RFTN1: variants seen among roughly 807,000 people sequenced by gnomAD.
The protein encoded by RFTN1 is raftlin.
Under a neutral mutation model 46.5 loss-of-function variants are expected in RFTN1, and 26 were observed. That is an observed-to-expected ratio of 0.56 (90% CI 0.41 to 0.78). RFTN1 has a LOEUF of 0.78. Among genes scored for constraint, RFTN1 ranks in the 30% least tolerant of loss-of-function variants. RFTN1 has a pLI of 0.00. For missense variants in RFTN1, 693 were observed against 718.7 expected (o/e 0.96, Z 0.41); for synonymous variants, 261 against 284.2 (o/e 0.92, Z 0.82).
rs1033060964 is a variant in RFTN1 at position 16,440,696 on chromosome 3, G to T, written c.146-6659C>A. On this transcript the variant is annotated intron_variant, in intron 2 of 9. Transcript: ENST00000334133. This position sits in a 1 kb window ranked among gnomAD's most constrained non-coding sequence, Gnocchi z 4.6. ...AGATGGTTACTGCTAATGGGGGGGG[G>T]GCCCAATGGTGCCAGAACTTCTAAC... 2.2e-4 allele frequency among the ~76,000 whole-genome samples: 34 copies of T among 151,984 alleles called. 1 individual carries two copies. Among genetic ancestry groups the T allele is most frequent in the Non-Finnish European group, 1.0e-4 (7 of 67,964 alleles).
chr3:16,333,931 CG>C (rs1207022872), intron 7 of RFTN1, among the ~76,000 whole-genome samples: 1 of 151,858 alleles, frequency 6.6e-6, no homozygotes, highest in Non-Finnish European at 1.5e-5. Context: ...TTTGGGAGGC[CG>C]ACGCGGGTAG....
chr3:16,510,832 G>A lies in RFTN1; in HGVS notation c.-9+2610C>T, dbSNP rs1018038223. Among the ~76,000 whole-genome samples, 8 of 152,222 alleles carry A rather than the reference G, an allele frequency of 5.3e-5. No individual in the cohort carries two copies. In the East Asian group the frequency reaches 5.8e-4, roughly 11 times the overall value. On this transcript the variant is annotated intron_variant, in intron 1 of 9. Transcript: ENST00000334133. ...CAGAGACTTGTACACAAATGTTCAC[G>A]GCAGCTTTGTTCACAATAACCAAAG...
intron 4 of RFTN1, among the ~76,000 whole-genome samples, chr3:16,386,773 G>T (rs937532826): frequency 6.6e-6 from 1 of 150,764 alleles, no homozygotes; most frequent in African/African-American, 2.4e-5. Flanking sequence ...TGGTAACAGA[G>T]CGAGGAGACA....
intron 2 of RFTN1, among the ~76,000 whole-genome samples, chr3:16,476,911 G>A (rs775605942): frequency 2.0e-5 from 3 of 152,010 alleles, no homozygotes; most frequent in Non-Finnish European, 2.9e-5. Context: ...TCTCTGTTCC[G>A]TACAATTAAG....
Position 16,370,301 on chromosome 3 carries a change from G to C in RFTN1, c.827-22C>G, listed in dbSNP as rs756661073. Reference sequence around the variant, plus strand: ...ATTTCTGTTGGGATTTGTAAAGGGAGTGGAGAGAGAAGAGGTCAACTGATG... The same window carrying C: ...ATTTCTGTTGGGATTTGTAAAGGGACTGGAGAGAGAAGAGGTCAACTGATG... On this transcript the variant is annotated intron_variant, in intron 5 of 9. Transcript: ENST00000334133. The surrounding 1 kb of genome is among the most constrained non-coding windows in gnomAD (Gnocchi z 5.5). 6.2e-7 allele frequency: 1 copy of C among 1,611,312 alleles called. No individual in the cohort carries two copies. Among genetic ancestry groups the C allele is most frequent in the South Asian group, 1.1e-5 (1 of 91,026 alleles).
Position 16,448,804 on chromosome 3 carries a change from T to C in RFTN1, c.146-14767A>G, listed in dbSNP as rs1217435338. On this transcript the variant is annotated intron_variant, in intron 2 of 9. Transcript: ENST00000334133. This position sits in a 1 kb window ranked among gnomAD's most constrained non-coding sequence, Gnocchi z 4.1. ...TCACAAGTCTCACCCCATGCGGGGA[T>C]TACAGGCTGCGACTCACTGCTCTAG... Among the ~76,000 whole-genome samples, 2 of 152,188 alleles carry C rather than the reference T, an allele frequency of 1.3e-5. No homozygotes were observed. Among genetic ancestry groups the C allele is most frequent in the Non-Finnish European group, 2.9e-5 (2 of 68,030 alleles).
In RFTN1 at chr3:16,499,847, G is replaced by T. The variant is rs79219391; in HGVS notation, c.-8-5970C>A. Among the ~76,000 whole-genome samples the T allele has an allele frequency of 4.3e-3, 653 of 152,284 alleles. 3 individuals carry two copies. Among genetic ancestry groups the T allele is most frequent in the East Asian group, 0.017 (89 of 5,184 alleles). On this transcript the variant is annotated intron_variant, in intron 1 of 9. Transcript: ENST00000334133. The surrounding 1 kb of genome is among the most constrained non-coding windows in gnomAD (Gnocchi z 4.9). ...AGTGGCTATAAACATTTGTGTAGAGGTTTTTATATGGACATAAGTTTTCAC... is the reference window on the plus strand; with the variant it reads ...AGTGGCTATAAACATTTGTGTAGAGTTTTTTATATGGACATAAGTTTTCAC...
chr3:16,408,313 G>T (rs2074908320), intron 4 of RFTN1, among the ~76,000 whole-genome samples: 1 of 152,096 alleles, frequency 6.6e-6, no homozygotes, highest in South Asian at 2.1e-4. Flanking sequence ...ACTTCTGCTG[G>T]TAACACTCAC....
At position 16,422,423 on chromosome 3, in the gene RFTN1, G is replaced by A. The variant is rs896309422; in HGVS notation, c.332+11428C>T. Among the ~76,000 whole-genome samples, 2 of 152,110 alleles carry A rather than the reference G, an allele frequency of 1.3e-5. No individual in the cohort carries two copies. The highest frequency in any genetic ancestry group is 4.8e-5 in the African/African-American group (2 of 41,410). ...AGGCGGGTGGATCATGAGGTCAGGA[G>A]ATGGAGACCATCCTGGCCAACATGG... On this transcript the variant is annotated intron_variant, in intron 3 of 9. Coordinates refer to ENST00000334133, the MANE Select transcript of RFTN1 (RefSeq NM_015150.2). The surrounding 1 kb of genome is among the most constrained non-coding windows in gnomAD (Gnocchi z 4.6).
chr3:16,375,126 A>G (rs185512761), intron 5 of RFTN1, among the ~76,000 whole-genome samples: 3 of 152,254 alleles, frequency 2.0e-5, no homozygotes, highest in East Asian at 1.9e-4. Context: ...GAAGAGGAGT[A>G]AAAAACACTT....
At chr3:16,403,147 G>C (rs572033006) in intron 4 of RFTN1, among the ~76,000 whole-genome samples, 2 of 152,138 alleles carry the variant, frequency 1.3e-5, no homozygotes, top group Non-Finnish European at 2.9e-5. Context: ...TACCCAACAC[G>C]CGTTATGGCC....
intron 1 of RFTN1, among the ~76,000 whole-genome samples, chr3:16,505,358 A>T (rs1291958524): frequency 6.6e-6 from 1 of 151,976 alleles, no homozygotes; most frequent in Non-Finnish European, 1.5e-5. Context: ...CCTCCAGTGG[A>T]CCTCCACCTG....
intron 3 of RFTN1, among the ~76,000 whole-genome samples, chr3:16,414,984 G>A (rs973135787): frequency 3.9e-4 from 59 of 152,256 alleles, no homozygotes; most frequent in African/African-American, 1.1e-3. Context: ...GAGGAAGTCC[G>A]TGGAGGGTGT....
rs928564532 is a variant in RFTN1, at chr3:16,426,103, C to T, written c.332+7748G>A. ...TGTCTGCTCTCTGGGAATAAACCGG[C>T]GGCTGCAGTTTCCCATCACAGTAGC... On this transcript the variant is annotated intron_variant, in intron 3 of 9. Coordinates refer to ENST00000334133, the MANE Select transcript of RFTN1 (RefSeq NM_015150.2). This position sits in a 1 kb window ranked among gnomAD's most constrained non-coding sequence, Gnocchi z 5.9. Among the ~76,000 whole-genome samples, 11 of 152,306 alleles carry T rather than the reference C, an allele frequency of 7.2e-5. 1 individual carries two copies. The highest frequency in any genetic ancestry group is 3.3e-4 in the Admixed American group (5 of 15,302).
At position 16,323,426 on chromosome 3, in the gene RFTN1, A is replaced by G. The variant is rs1436168735; in HGVS notation, c.1282T>C (p.Phe428Leu). The change falls in exon 9 of 10, where the codon TTT becomes CTT. Residue 428 changes from phenylalanine (F) to leucine (L), a missense_variant. Physicochemically the swap from Phe to Leu is conservative, Grantham distance 22. Transcript: ENST00000334133. ...EGSVSTKQIV[F>L]LQRPCLPQKI... is the part of the protein sequence containing the mutation. Reference sequence around the variant, plus strand: ...TGAGGTAGACAAGGTCTCTGAAGAAAGACAATCTGCTTGGTGGATACACTC... The same window carrying G: ...TGAGGTAGACAAGGTCTCTGAAGAAGGACAATCTGCTTGGTGGATACACTC... 1.2e-6 allele frequency: 2 copies of G among 1,612,418 alleles called. No individual in the cohort carries two copies. Among genetic ancestry groups the G allele is most frequent in the Admixed American group, 1.7e-5 (1 of 59,998 alleles).
At chr3:16,328,946 C>A (rs147011133) in intron 7 of RFTN1, among the ~76,000 whole-genome samples, 213 of 152,332 alleles carry the variant, frequency 1.4e-3, no homozygotes, top group African/African-American at 5.0e-3. Context: ...TTCTGCCACA[C>A]TGCAAGGGGA....
intron 3 of RFTN1, among the ~76,000 whole-genome samples, chr3:16,417,512 T>A (rs1443448611): frequency 1.3e-5 from 2 of 152,170 alleles, no homozygotes; most frequent in East Asian, 3.8e-4. Flanking sequence ...TTTCAGAACA[T>A]GATAAAAGAC....
chr3:16,344,727 TC>T lies in RFTN1; in HGVS notation c.1146+13204del, dbSNP rs2071527794. On this transcript the variant is annotated intron_variant, in intron 7 of 9. Transcript: ENST00000334133. This position sits in a 1 kb window ranked among gnomAD's most constrained non-coding sequence, Gnocchi z 4.4. Reference sequence around the variant, plus strand: ...CAGACCTCCTCCCAATGAAAGCACATCGTTGCCAAGTGCGGCCTCTCAATCA... The same window carrying T: ...CAGACCTCCTCCCAATGAAAGCACATGTTGCCAAGTGCGGCCTCTCAATCA... Among the ~76,000 whole-genome samples, 2 of 152,174 alleles carry T rather than the reference TC, an allele frequency of 1.3e-5. No individual in the cohort carries two copies. The highest frequency in any genetic ancestry group is 1.3e-4 in the Admixed American group (2 of 15,286).
In RFTN1 at chr3:16,480,296, C is replaced by T. The variant is rs1368952060; in HGVS notation, c.145+13429G>A. 6.6e-6 allele frequency among the ~76,000 whole-genome samples: 1 copy of T among 152,230 alleles called. No homozygotes were observed. Among genetic ancestry groups the T allele is most frequent in the African/African-American group, 2.4e-5 (1 of 41,448 alleles). The stretch of plus-strand genomic sequence containing the variant: ...TGCTTACAAACTAATTCTGAGCTTA[C>T]ACTAGGGATGCCCAAGTGAAATAAT... On this transcript the variant is annotated intron_variant, in intron 2 of 9. Coordinates refer to ENST00000334133, the MANE Select transcript of RFTN1 (RefSeq NM_015150.2). This position sits in a 1 kb window ranked among gnomAD's most constrained non-coding sequence, Gnocchi z 4.3.
Sources: gnomAD v4.1 joint callset for allele counts (sites outside exome capture counted in the v4.1 genomes callset) on GRCh38, gnomAD v4.1.1 for gene constraint, Gnocchi (gnomAD v3.1) non-coding constraint, MANE v1.5 for transcripts, NCBI Gene and HGNC (gene_info 2026-07-23, HGNC 2026-07-21) for gene names.